Variants in AHCY observed in about 807,000 individuals in gnomAD.
AHCY encodes adenosylhomocysteinase, also known as S-adenosyl-L-homocysteine hydrolase.
A neutral mutation model predicts 45.4 loss-of-function variants in AHCY; 24 were observed. That is an observed-to-expected ratio of 0.53 (90% CI 0.38 to 0.74). AHCY has a LOEUF of 0.74. Among genes scored for constraint, AHCY ranks in the 30% least tolerant of loss-of-function variants. AHCY has a pLI of 0.00. For synonymous variants in AHCY, 245 were observed against 235.1 expected (o/e 1.04, Z -0.39); for missense variants, 449 against 594.1 (o/e 0.76, Z 2.54).
chr20:34,291,197 C>T (rs1224857075), intron 5 of AHCY, among the ~76,000 whole-genome samples: 1 of 152,208 alleles, frequency 6.6e-6, no homozygotes, highest in Non-Finnish European at 1.5e-5. Context: ...GGTCAAAGAC[C>T]TTGCTTAACT....
At chr20:34,308,654 A>G (rs62210336) in intron 1 of AHCY, among the ~76,000 whole-genome samples, 8 of 151,430 alleles carry the variant, frequency 5.3e-5, no homozygotes, top group Non-Finnish European at 5.9e-5. Flanking sequence ...TTAATTTGGC[A>G]ATTTTTTTTT....
At chr20:34,255,608 G>T in the AHCY span, among the ~76,000 whole-genome samples, 1 of 152,158 alleles carries the variant, frequency 6.6e-6, no homozygotes, top group Non-Finnish European at 1.5e-5. Context: ...TTAGTTTGTA[G>T]CATTACTCTT....
the AHCY span, among the ~76,000 whole-genome samples, chr20:34,235,844 G>GAAAGAAAGAAAGAAAGAAA: frequency 3.8e-5 from 1 of 26,028 alleles, no homozygotes; most frequent in Non-Finnish European, 5.8e-5. Flanking sequence ...AAAGAAAGAA[G>GAAAGAAAGAAAGAAAGAAA]GAAGGAAGGA....
At chr20:34,310,585 T>C (rs780767588) in intron 1 of AHCY, among the ~76,000 whole-genome samples, 1 of 152,212 alleles carries the variant, frequency 6.6e-6, no homozygotes, top group East Asian at 1.9e-4. Context: ...CCAAAGATGT[T>C]TGTACACATG....
chr20:34,234,972 C>CT, the AHCY span: 1 of 152,034 alleles, frequency 6.6e-6, no homozygotes, highest in Admixed American at 6.6e-5. Flanking sequence ...ATCATAGCTC[C>CT]TAAGGGTACA....
At chr20:34,288,697 C>A (rs772175623) in intron 8 of AHCY, among the ~76,000 whole-genome samples, 3 of 151,916 alleles carry the variant, frequency 2.0e-5, no homozygotes, top group Non-Finnish European at 4.4e-5. Flanking sequence ...TGATGAACAT[C>A]TCTACATACA....
At chr20:34,292,658 A>G (rs1369161960) in intron 3 of AHCY, 151 bp from the exon 4 acceptor site, 2 of 1,140,110 alleles carry the variant, frequency 1.8e-6, no homozygotes, top group African/African-American at 3.1e-5. Context: ...TCAGGACACA[A>G]CTTGGAGCCA....
the AHCY span, among the ~76,000 whole-genome samples, chr20:34,267,820 C>A: frequency 2.0e-5 from 3 of 150,052 alleles, no homozygotes; most frequent in Non-Finnish European, 4.4e-5. Context: ...CATGAGCCAC[C>A]ACACCCAGTT....
intron 9 of AHCY, among the ~76,000 whole-genome samples, chr20:34,284,453 C>T (rs145248784): frequency 0.015 from 2,306 of 152,230 alleles, 30 homozygotes; most frequent in Middle Eastern, 0.02. Flanking sequence ...TGAGCCACCG[C>T]GCCTGGCCAG....
At chr20:34,237,196 A>AT in the AHCY span, among the ~76,000 whole-genome samples, 1 of 152,010 alleles carries the variant, frequency 6.6e-6, no homozygotes, top group Non-Finnish European at 1.5e-5. Context: ...TTTCAAGATT[A>AT]TTTTGGCTAT....
At chr20:34,265,047 T>G in the AHCY span, among the ~76,000 whole-genome samples, 1 of 152,100 alleles carries the variant, frequency 6.6e-6, no homozygotes, top group Non-Finnish European at 1.5e-5. Flanking sequence ...CCGCTGCTTC[T>G]GTCTCCTAAA....
intron 1 of AHCY, among the ~76,000 whole-genome samples, chr20:34,298,406 G>A (rs1291399610): frequency 6.6e-6 from 1 of 151,984 alleles, no homozygotes; most frequent in Non-Finnish European, 1.5e-5. Context: ...GGAGCTGAGG[G>A]GACATAGTGA....
At chr20:34,258,697 T>TACACAC in the AHCY span, among the ~76,000 whole-genome samples, 2 of 13,134 alleles carry the variant, frequency 1.5e-4, no homozygotes, top group Non-Finnish European at 5.8e-4. Context: ...ATATACATAC[T>TACACAC]ATATATATAT....
chr20:34,233,184 G>C, the AHCY span, among the ~76,000 whole-genome samples: 18 of 118,708 alleles, frequency 1.5e-4, no homozygotes, highest in African/African-American at 5.8e-4. Context: ...GTCTCGCTCT[G>C]TTGCCCAGGC....
In AHCY at chr20:34,280,519, A is replaced by C. The variant is rs2035966558; in HGVS notation, c.*515T>G. ...CTGTAAAACAGGGACTAAAAGTACT[A>C]ACCTCATTGTAATGAGGTTTAAGAG... On this transcript the variant is annotated 3_prime_UTR_variant, in exon 10 of 10. Transcript: ENST00000217426. 5.0e-6 allele frequency: 1 copy of C among 198,256 alleles called. No homozygotes were observed. Among genetic ancestry groups the C allele is most frequent in the Admixed American group, 5.3e-5 (1 of 18,960 alleles). The allele number at this position is 198,256 out of a possible 1,614,324, so 12.3% of individuals were successfully genotyped here. A position where few individuals can be genotyped will look rare whatever the true frequency, so the allele number is the denominator to read the frequency against.
At chr20:34,257,070 C>CTTTTTTTTTTTTTTTTTTTTT in the AHCY span, among the ~76,000 whole-genome samples, 2 of 139,418 alleles carry the variant, frequency 1.4e-5, no homozygotes, top group Non-Finnish European at 1.6e-5. Context: ...CTTTCTTTCT[C>CTTTTTTTTTTTTTTTTTTTTT]TTTTTTTTTT....
chr20:34,268,323 G>A, the AHCY span, among the ~76,000 whole-genome samples: 2 of 152,144 alleles, frequency 1.3e-5, no homozygotes, highest in Non-Finnish European at 2.9e-5. Context: ...TGCTGCGTTC[G>A]GTGCACAGCG....
chr20:34,290,768 C>G lies in AHCY; in HGVS notation c.729G>C (p.Glu243Asp), dbSNP rs191376298. Reference protein sequence around the residue: ...RGFGARVIITEIDPINALQAA... With the variant: ...RGFGARVIITDIDPINALQAA... ...CCTGCAGTGCGTTGATGGGGTCAAT[C>G]TCGGTGATGATGACGCGGGCTCCGA... The change falls in exon 6 of 10, where the codon GAG becomes GAC. Residue 243 changes from glutamate (E) to aspartate (D), a missense_variant. By Grantham distance (45) the Glu-to-Asp change is conservative. Coordinates refer to ENST00000217426, the MANE Select transcript of AHCY (RefSeq NM_000687.4). The surrounding 1 kb of genome is among the most constrained non-coding windows in gnomAD (Gnocchi z 4.5). 6.2e-7 allele frequency: 1 copy of G among 1,614,090 alleles called. No individual in the cohort carries two copies. The highest frequency in any genetic ancestry group is 1.3e-5 in the African/African-American group (1 of 75,042).
chr20:34,242,100 T>C, the AHCY span, among the ~76,000 whole-genome samples: 6 of 152,218 alleles, frequency 3.9e-5, no homozygotes, highest in Non-Finnish European at 8.8e-5. Context: ...TTCAGTGATA[T>C]GGAACATTTT....
Sources: allele counts gnomAD v4.1 joint callset (sites outside exome capture counted in the v4.1 genomes callset), GRCh38; gene constraint gnomAD v4.1.1; non-coding constraint Gnocchi (gnomAD v3.1); transcripts MANE v1.5; gene names NCBI Gene and HGNC (gene_info 2026-07-23, HGNC 2026-07-21).